Variants in TMEM132B observed in about 807,000 individuals in gnomAD.
The protein encoded by TMEM132B is transmembrane protein 132B.
TMEM132B carries 18 observed loss-of-function variants against 90.8 expected under a neutral mutation model. The ratio of observed to expected loss-of-function variants is 0.20; its 90% CI spans 0.14 to 0.29. TMEM132B has a LOEUF of 0.29. TMEM132B is among the 10% of genes least tolerant of loss of function. The probability of loss-of-function intolerance (pLI) is 1.00; values close to 1 mark genes in which losing one functional copy is unlikely to be tolerated. For missense variants in TMEM132B, 1,096 were observed against 1,326.8 expected (o/e 0.83, Z 2.70); for synonymous variants, 504 against 523.3 (o/e 0.96, Z 0.50).
intron 5 of TMEM132B, among the ~76,000 whole-genome samples, chr12:125,608,904 G>A (rs905457700): frequency 6.6e-6 from 1 of 152,068 alleles, no homozygotes; most frequent in African/African-American, 2.4e-5. Context: ...ATGCTGCTAT[G>A]AAGAAATACT....
At chr12:125,571,124 G>A (rs1884782322) in intron 4 of TMEM132B, among the ~76,000 whole-genome samples, 1 of 152,204 alleles carries the variant, frequency 6.6e-6, no homozygotes, top group Non-Finnish European at 1.5e-5. Context: ...GCGATTGTTA[G>A]GTTTGTTTTC....
chr12:125,201,503 C>T (rs1057251473), intron 1 of TMEM132B, among the ~76,000 whole-genome samples: 9 of 152,218 alleles, frequency 5.9e-5, no homozygotes, highest in East Asian at 1.9e-4. Flanking sequence ...AGCTTTATAT[C>T]GCTCACTGCT....
At chr12:125,609,631 C>T (rs1021331258) in intron 5 of TMEM132B, among the ~76,000 whole-genome samples, 3 of 151,230 alleles carry the variant, frequency 2.0e-5, no homozygotes, top group East Asian at 3.9e-4. Flanking sequence ...CTGGCCAACA[C>T]GGTGAAACCC....
chr12:125,583,922 C>T lies in TMEM132B; in HGVS notation c.1365C>T (p.Val455=), dbSNP rs1012628297. The T allele has an allele frequency of 1.9e-6, 3 of 1,613,966 alleles. No homozygotes were observed. In the African/African-American group the frequency reaches 4.0e-5, roughly 22 times the overall value. ...CAGTTCCTGTCAAAGTCGTGGGGGT[C>T]CAGGAGGATGGTTCTGTGGTCGATG... is the stretch of plus-strand genomic sequence containing the variant. The part of the protein sequence containing the change: ...PVSVPVKVVG[V]QEDGSVVDVS... The change falls in exon 5 of 9, where the codon GTC becomes GTT. Residue 455 remains valine (V), a synonymous_variant. Transcript: ENST00000682704.
intron 2 of TMEM132B, 127 bp downstream of exon 2, chr12:125,350,470 A>G: frequency 8.6e-7 from 1 of 1,160,006 alleles, no homozygotes; most frequent in Non-Finnish European, 1.2e-6. Context: ...TGGTCATTAA[A>G]GTGGTGAAAA....
intron 1 of TMEM132B, among the ~76,000 whole-genome samples, chr12:125,332,021 A>G (rs903090003): frequency 3.3e-5 from 5 of 152,100 alleles, no homozygotes; most frequent in African/African-American, 1.2e-4. Flanking sequence ...GGGATTACAG[A>G]CGTGAGCCAC....
chr12:125,517,144 C>T lies in TMEM132B; in HGVS notation c.1107-2295C>T, dbSNP rs534328051. Among the ~76,000 whole-genome samples the T allele has an allele frequency of 4.0e-5, 6 of 151,602 alleles. 1 individual carries two copies. In the South Asian group the frequency reaches 1.3e-3, roughly 32 times the overall value. Reference sequence around the variant, plus strand: ...TCTCATGAGTTCAGAAACTGCTATTCAACACACATTTTCTCTCTCTCTCTT... The same window carrying T: ...TCTCATGAGTTCAGAAACTGCTATTTAACACACATTTTCTCTCTCTCTCTT... On this transcript the variant is annotated intron_variant, in intron 3 of 8. Transcript: ENST00000682704.
At chr12:125,399,449 G>C (rs1279986809) in intron 2 of TMEM132B, among the ~76,000 whole-genome samples, 1 of 149,246 alleles carries the variant, frequency 6.7e-6, no homozygotes, top group Non-Finnish European at 1.5e-5. Context: ...TGGAAGATGT[G>C]AAGAAGGAAG....
chr12:125,339,378 C>T lies in TMEM132B; in HGVS notation c.68-10074C>T, dbSNP rs559546258. ...CCACATGGTCTTCCCTGTGTGTGTC[C>T]GTTCTAATTTCCTCATCTTATGAGG... On this transcript the variant is annotated intron_variant, in intron 1 of 8. Coordinates refer to ENST00000682704, the MANE Select transcript of TMEM132B (RefSeq NM_001366854.1). 5.9e-5 allele frequency among the ~76,000 whole-genome samples: 9 copies of T among 152,174 alleles called. No individual in the cohort carries two copies. The South Asian group carries it at 1.3e-3, about 21-fold the overall frequency.
chr12:125,311,100 C>T (rs545104409), intron 1 of TMEM132B, among the ~76,000 whole-genome samples: 1 of 152,280 alleles, frequency 6.6e-6, no homozygotes, highest in Non-Finnish European at 1.5e-5. Context: ...CATAATTGAG[C>T]ATGACAAAAG....
chr12:125,342,483 G>T (rs549371385), intron 1 of TMEM132B, among the ~76,000 whole-genome samples: 2 of 152,164 alleles, frequency 1.3e-5, no homozygotes, highest in Non-Finnish European at 2.9e-5. Flanking sequence ...GATGCTAGGG[G>T]TGGGTCTCTG....
chr12:125,219,578 T>G (rs1394287678), intron 1 of TMEM132B, among the ~76,000 whole-genome samples: 1 of 152,174 alleles, frequency 6.6e-6, no homozygotes, highest in Non-Finnish European at 1.5e-5. Flanking sequence ...GGGAAGGACC[T>G]GGTCTTTCTC....
intron 1 of TMEM132B, among the ~76,000 whole-genome samples, chr12:125,303,026 G>A: frequency 6.6e-6 from 1 of 152,112 alleles, no homozygotes; most frequent in Admixed American, 6.5e-5. Context: ...GAACCCAGGA[G>A]GCAGAGGTTG....
At chr12:125,522,768 A>T (rs1246783330) in intron 4 of TMEM132B, among the ~76,000 whole-genome samples, 2 of 152,246 alleles carry the variant, frequency 1.3e-5, no homozygotes, top group Non-Finnish European at 2.9e-5. Context: ...CAGGAGCTGC[A>T]GAGAGAGGGC....
intron 3 of TMEM132B, among the ~76,000 whole-genome samples, chr12:125,422,411 G>A (rs1218330424): frequency 1.3e-5 from 2 of 152,190 alleles, no homozygotes; most frequent in Non-Finnish European, 2.9e-5. Context: ...TGCCCAGCCA[G>A]CTTTCAGCTC....
At chr12:125,508,644 G>A (rs1053543230) in intron 3 of TMEM132B, among the ~76,000 whole-genome samples, 3 of 152,136 alleles carry the variant, frequency 2.0e-5, no homozygotes, top group Admixed American at 1.3e-4. Flanking sequence ...GGCATGTAGA[G>A]GATCCCCACT....
chr12:125,625,711 T>G (rs918068646), intron 5 of TMEM132B, among the ~76,000 whole-genome samples: 1 of 152,258 alleles, frequency 6.6e-6, no homozygotes, highest in Non-Finnish European at 1.5e-5. Flanking sequence ...TGTTTAACTT[T>G]ATAATAAATT....
At chr12:125,574,704 G>T (rs557812632) in intron 4 of TMEM132B, among the ~76,000 whole-genome samples, 2 of 152,092 alleles carry the variant, frequency 1.3e-5, no homozygotes, top group East Asian at 1.9e-4. Context: ...ACTTCAGCGG[G>T]TCAAAAAGGG....
At chr12:125,285,550 G>A (rs1010685486) in intron 1 of TMEM132B, among the ~76,000 whole-genome samples, 1 of 152,218 alleles carries the variant, frequency 6.6e-6, no homozygotes, top group Admixed American at 6.5e-5. Flanking sequence ...CACCATTCAA[G>A]CATGATGTGG....
Sources: allele counts gnomAD v4.1 joint callset (sites outside exome capture counted in the v4.1 genomes callset), GRCh38; gene constraint gnomAD v4.1.1; transcripts MANE v1.5; gene names NCBI Gene and HGNC (gene_info 2026-07-23, HGNC 2026-07-21).